Variants in CLASP1 observed in about 807,000 individuals in gnomAD.
The protein encoded by CLASP1 is cytoplasmic linker associated protein 1, also known as CLIP-associating protein 1.
A neutral mutation model predicts 192.3 loss-of-function variants in CLASP1; 38 were observed. The ratio of observed to expected loss-of-function variants is 0.20; its 90% CI spans 0.15 to 0.26. CLASP1 has a LOEUF of 0.26. Among genes scored for constraint, CLASP1 ranks in the 10% least tolerant of loss-of-function variants. The pLI, the probability that CLASP1 is intolerant of heterozygous loss-of-function variation, is 1.00. For synonymous variants in CLASP1, 691 were observed against 712.8 expected (o/e 0.97, Z 0.49); for missense variants, 1,433 against 1,932.5 (o/e 0.74, Z 4.85).
At chr2:121,623,643 T>C (rs966909020) in intron 1 of CLASP1, among the ~76,000 whole-genome samples, 3 of 152,242 alleles carry the variant, frequency 2.0e-5, no homozygotes, top group African/African-American at 7.2e-5. Context: ...AATCACAAAA[T>C]GCAAAGTCAT....
chr2:121,543,396 T>C (rs1475602017), intron 2 of CLASP1, among the ~76,000 whole-genome samples: 1 of 152,080 alleles, frequency 6.6e-6, no homozygotes, highest in Non-Finnish European at 1.5e-5. Flanking sequence ...ACCTCTAAAT[T>C]TGCAATCTCT....
At chr2:121,536,908 T>C (rs2095098495) in intron 2 of CLASP1, among the ~76,000 whole-genome samples, 1 of 152,246 alleles carries the variant, frequency 6.6e-6, no homozygotes. Flanking sequence ...CGCTGAATTG[T>C]ACACAAAACT....
At position 121,386,999 on chromosome 2, in the gene CLASP1, G is replaced by A. The variant is rs140927540; in HGVS notation, c.3374+123C>T. The stretch of plus-strand genomic sequence containing the variant: ...AATTTGAGTGAGGACTAGAACCCAC[G>A]GTTCTTGATACTCAATATTCTTTTT... On this transcript the variant is annotated intron_variant, in intron 32 of 39. Transcript: ENST00000263710. 268 of 806,366 alleles carry A rather than the reference G, an allele frequency of 3.3e-4. 1 individual carries two copies. In the Middle Eastern group the frequency reaches 8.6e-3, roughly 26 times the overall value. The allele number at this position is 806,366 out of a possible 1,614,324, so 50.0% of individuals were successfully genotyped here. A position where few individuals can be genotyped will look rare whatever the true frequency, so the allele number is the denominator to read the frequency against.
rs564042106 is a variant in CLASP1, at chr2:121,465,990, C to T, written c.866-3385G>A. Among the ~76,000 whole-genome samples the T allele has an allele frequency of 7.4e-4, 113 of 152,286 alleles. 1 individual carries two copies. The highest frequency in any genetic ancestry group is 4.2e-3 in the South Asian group (20 of 4,818). ...CATATGTAGAAAGCTGAAACTGGAT[C>T]CCTTCCTTACACCTTATACAAAAAT... is the stretch of plus-strand genomic sequence containing the variant. On this transcript the variant is annotated intron_variant, in intron 9 of 39. Coordinates refer to ENST00000263710, the Ensembl canonical transcript of CLASP1.
chr2:121,382,138 G>T, intron 33 of CLASP1, 70 bp downstream of exon 34: 1 of 1,258,568 alleles, frequency 7.9e-7, no homozygotes, highest in South Asian at 1.3e-5. Flanking sequence ...CTTTCCCAAA[G>T]ACCTGAGACG....
intron 2 of CLASP1, among the ~76,000 whole-genome samples, chr2:121,587,293 T>C (rs1463753706): frequency 1.3e-5 from 2 of 151,920 alleles, no homozygotes; most frequent in Non-Finnish European, 2.9e-5. Flanking sequence ...CCTTAAGGGG[T>C]AAGAGGTATG....
chr2:121,408,742 C>T (rs369486909), intron 24 of CLASP1, among the ~76,000 whole-genome samples: 13 of 152,112 alleles, frequency 8.5e-5, no homozygotes, highest in Non-Finnish European at 1.6e-4. Flanking sequence ...ATCATGACGA[C>T]GTAAGAATAG....
intron 1 of CLASP1, among the ~76,000 whole-genome samples, chr2:121,627,172 G>A (rs1017194789): frequency 6.6e-6 from 1 of 152,184 alleles, no homozygotes; most frequent in Non-Finnish European, 1.5e-5. Flanking sequence ...AGCAGGAAAA[G>A]AGGAGAAACA....
intron 39 of CLASP1, among the ~76,000 whole-genome samples, chr2:121,343,752 T>A (rs1465734697): frequency 6.6e-6 from 1 of 152,142 alleles, no homozygotes; most frequent in Non-Finnish European, 1.5e-5. Flanking sequence ...GTAGTGATGG[T>A]TATACAACAA....
At chr2:121,632,331 T>C (rs1036908363) in intron 1 of CLASP1, among the ~76,000 whole-genome samples, 3 of 152,198 alleles carry the variant, frequency 2.0e-5, no homozygotes, top group African/African-American at 7.2e-5. Context: ...TATAGCAATG[T>C]TAAGGCACGT....
intron 7 of CLASP1, chr2:121,504,009 T>A (rs1369663925): frequency 2.6e-5 from 4 of 152,052 alleles, no homozygotes; most frequent in Non-Finnish European, 5.9e-5. Context: ...AGCAGGTGGA[T>A]CGCCTGAGGT....
At chr2:121,495,586 GGGAGGC>G (rs761632055) in intron 8 of CLASP1, among the ~76,000 whole-genome samples, 6 of 151,360 alleles carry the variant, frequency 4.0e-5, no homozygotes, top group Admixed American at 3.9e-4. Context: ...GCTCGAACCA[GGGAGGC>G]GGAGGTTGCG....
At chr2:121,513,000 T>G (rs1332848459) in intron 7 of CLASP1, 1 of 152,232 alleles carries the variant, frequency 6.6e-6, no homozygotes, top group African/African-American at 2.4e-5. Flanking sequence ...CTAAAAAATC[T>G]ATAATGATGT....
At chr2:121,411,090 T>G (rs2077631432) in intron 23 of CLASP1, 121 bp from the exon 25 acceptor site, 1 of 623,508 alleles carries the variant, frequency 1.6e-6, no homozygotes, top group African/African-American at 1.9e-5. Context: ...CTAGCCAATT[T>G]TAACTACACT....
At chr2:121,569,876 G>A (rs969743459) in intron 2 of CLASP1, among the ~76,000 whole-genome samples, 1 of 152,104 alleles carries the variant, frequency 6.6e-6, no homozygotes, top group African/African-American at 2.4e-5. Context: ...GTGTGCACTG[G>A]AGGCTCACCA....
At chr2:121,354,950 G>A (rs937910089) in intron 37 of CLASP1, among the ~76,000 whole-genome samples, 1 of 152,060 alleles carries the variant, frequency 6.6e-6, no homozygotes, top group African/African-American at 2.4e-5. Flanking sequence ...GTGAGAACTC[G>A]TGGTTTTCCT....
chr2:121,375,898 A>G (rs541445029), intron 34 of CLASP1, among the ~76,000 whole-genome samples: 2 of 152,336 alleles, frequency 1.3e-5, no homozygotes, highest in East Asian at 3.9e-4. Flanking sequence ...AATAAACAAA[A>G]GCAAACTGAG....
chr2:121,601,365 C>T (rs769863311), intron 2 of CLASP1, among the ~76,000 whole-genome samples: 21 of 151,444 alleles, frequency 1.4e-4, no homozygotes, highest in Admixed American at 2.0e-4. Context: ...CTCTGCCTTC[C>T]GGGTTGAAGC....
chr2:121,516,578 C>G (rs1002998800), intron 6 of CLASP1, among the ~76,000 whole-genome samples: 1 of 152,318 alleles, frequency 6.6e-6, no homozygotes, highest in African/African-American at 2.4e-5. Flanking sequence ...ACAGGGTAGA[C>G]TTTTTTTCTA....
Sources: allele counts gnomAD v4.1 joint callset (sites outside exome capture counted in the v4.1 genomes callset), GRCh38; gene constraint gnomAD v4.1.1; transcripts MANE v1.5; gene names NCBI Gene and HGNC (gene_info 2026-07-23, HGNC 2026-07-21).